Variants in SFMBT2 observed in about 807,000 individuals in gnomAD.
The protein encoded by SFMBT2 is Scm like with four mbt domains 2.
SFMBT2 carries 38 observed loss-of-function variants against 110.1 expected under a neutral mutation model. The observed-to-expected ratio is 0.35, with a 90% CI of 0.27 to 0.45. The LOEUF (loss-of-function observed/expected upper bound fraction) is 0.45. SFMBT2 is among the 20% of genes least tolerant of loss of function. The pLI is 1.00. For synonymous variants in SFMBT2, 425 were observed against 425.4 expected, an observed-to-expected ratio of 1.00 and a Z score of 0.01; for missense variants, 1,011 against 1,094.9, an observed-to-expected ratio of 0.92 and a Z score of 1.08.
At chr10:7,402,092 G>A (rs1424920524) in intron 1 of SFMBT2, among the ~76,000 whole-genome samples, 3 of 149,236 alleles carry the variant, frequency 2.0e-5, no homozygotes, top group African/African-American at 5.0e-5. Context: ...GCAAGATGGT[G>A]ACTACTGAGT....
chr10:7,363,435 G>A (rs1045132976), intron 4 of SFMBT2, among the ~76,000 whole-genome samples: 3 of 151,682 alleles, frequency 2.0e-5, no homozygotes, highest in African/African-American at 7.3e-5. Context: ...GGCAACCTTT[G>A]CCTCCTGGGT....
chr10:7,245,800 C>T (rs908437910), intron 8 of SFMBT2, among the ~76,000 whole-genome samples: 8 of 152,228 alleles, frequency 5.3e-5, no homozygotes, highest in African/African-American at 1.7e-4. Flanking sequence ...ATCCACTACA[C>T]GTCTGTCTGC....
At chr10:7,243,474 C>T (rs1840502490) in intron 9 of SFMBT2, 84 bp downstream of exon 9, 17 of 815,050 alleles carry the variant, frequency 2.1e-5, no homozygotes, top group Non-Finnish European at 3.2e-5. Context: ...ACCAGCCTCC[C>T]CAGATTAATG....
At chr10:7,403,580 C>T (rs1310796805) in intron 1 of SFMBT2, among the ~76,000 whole-genome samples, 2 of 151,970 alleles carry the variant, frequency 1.3e-5, no homozygotes, top group African/African-American at 4.8e-5. Context: ...AGCCAGAGGT[C>T]GCAATGAGCC....
chr10:7,215,709 T>C (rs1839514189), intron 11 of SFMBT2: 2 of 985,450 alleles, frequency 2.0e-6, no homozygotes, highest in Non-Finnish European at 1.2e-6. Context: ...GGCTGGCCGA[T>C]GAATTTAAGC....
At chr10:7,186,706 G>C (rs901199550) in intron 16 of SFMBT2, among the ~76,000 whole-genome samples, 1 of 152,116 alleles carries the variant, frequency 6.6e-6, no homozygotes, top group Non-Finnish European at 1.5e-5. Context: ...GAAGATGCCA[G>C]CTCTCTCTCC....
Position 7,188,635 on chromosome 10 carries a change from C to T in SFMBT2, c.1797G>A (p.Thr599=), listed in dbSNP as rs367855039. The change falls in exon 16 of 21, where the codon ACG becomes ACA. Residue 599 remains threonine (T), a synonymous_variant. Transcript: ENST00000397167. ...EDPHWNFQEE[T]LKAKYRGKTY... is the part of the protein sequence containing the mutation. ...TTGAAAACACTTACTTGGCCTTCAG[C>T]GTCTCTTCCTGGAAATTCCAGTGGG... is the stretch of plus-strand genomic sequence containing the variant. 6.2e-6 allele frequency: 10 copies of T among 1,613,094 alleles called. No individual in the cohort carries two copies. Among genetic ancestry groups the T allele is most frequent in the Middle Eastern group, 1.6e-4 (1 of 6,084 alleles).
intron 2 of SFMBT2, among the ~76,000 whole-genome samples, chr10:7,377,469 C>A (rs1490443085): frequency 6.6e-6 from 1 of 152,098 alleles, no homozygotes; most frequent in Non-Finnish European, 1.5e-5. Flanking sequence ...ATTATTATTA[C>A]ATTGTACTAT....
chr10:7,163,706 C>A lies in SFMBT2; in HGVS notation c.*64G>T. The A allele has an allele frequency of 6.9e-7, 1 of 1,444,782 alleles. No individual in the cohort carries two copies. The highest frequency in any genetic ancestry group is 1.2e-5 in the South Asian group (1 of 82,168). 89.5% of individuals were successfully genotyped at this position (1,444,782 alleles called of 1,614,324 possible). On this transcript the variant is annotated 3_prime_UTR_variant, in exon 21 of 21. Coordinates refer to ENST00000397167, the MANE Select transcript of SFMBT2 (RefSeq NM_001387889.1). This position sits in a 1 kb window ranked among gnomAD's most constrained non-coding sequence, Gnocchi z 4.8. Reference sequence around the variant, plus strand: ...AACATATCCCGGAAAATCAAAGTTTCAGTCCTGGAAACCTTTACCAACACC... The same window carrying A: ...AACATATCCCGGAAAATCAAAGTTTAAGTCCTGGAAACCTTTACCAACACC...
intron 4 of SFMBT2, among the ~76,000 whole-genome samples, chr10:7,320,922 G>A (rs991927273): frequency 5.3e-5 from 8 of 152,094 alleles, no homozygotes; most frequent in African/African-American, 1.4e-4. Context: ...TCCACTGCTC[G>A]GAATAGTAAA....
In SFMBT2 at chr10:7,253,794, A is replaced by G. The variant is rs962484075; in HGVS notation, c.871-5145T>C. Among the ~76,000 whole-genome samples, 3 of 141,964 alleles carry G rather than the reference A, an allele frequency of 2.1e-5. No individual in the cohort carries two copies. In the East Asian group the frequency reaches 6.4e-4, roughly 30 times the overall value. The allele number at this position is 141,964 out of a possible 152,430, so 93.1% of individuals were successfully genotyped here. On this transcript the variant is annotated intron_variant, in intron 7 of 20. Coordinates refer to ENST00000397167, the MANE Select transcript of SFMBT2 (RefSeq NM_001387889.1). ...GCTGTATCTTCCAGCCCTAACTTTC[A>G]CTTTCTGAAAATCACTTTCTAATCA...
intron 14 of SFMBT2, among the ~76,000 whole-genome samples, chr10:7,199,523 A>G (rs1343379178): frequency 1.3e-5 from 2 of 152,336 alleles, no homozygotes; most frequent in Non-Finnish European, 1.5e-5. Context: ...GATATAAAAG[A>G]AAAGGAGTAA....
At chr10:7,317,641 C>CAAAAAAAAAAAAAAA in intron 4 of SFMBT2, among the ~76,000 whole-genome samples, 1 of 92,848 alleles carries the variant, frequency 1.1e-5, no homozygotes. Flanking sequence ...AACTCCGTCT[C>CAAAAAAAAAAAAAAA]AAAAAAAAAA....
intron 10 of SFMBT2, among the ~76,000 whole-genome samples, chr10:7,220,830 T>TTTC (rs1564390921): frequency 9.5e-5 from 3 of 31,528 alleles, no homozygotes; most frequent in African/African-American, 3.4e-4. Flanking sequence ...TTCCTTCTTT[T>TTTC]TTTTTTTTGT....
chr10:7,322,249 C>A (rs1031832473), intron 4 of SFMBT2, among the ~76,000 whole-genome samples: 5 of 152,202 alleles, frequency 3.3e-5, no homozygotes, highest in Non-Finnish European at 7.3e-5. Context: ...TTGCCTGCCA[C>A]CATGTAAGAT....
At chr10:7,284,297 C>T in intron 5 of SFMBT2, 147 bp from the exon 6 acceptor site, 1 of 1,445,692 alleles carries the variant, frequency 6.9e-7, no homozygotes, top group Non-Finnish European at 9.1e-7. Flanking sequence ...CATCCTTGCC[C>T]AGCCCATGCC....
chr10:7,379,656 A>G (rs566226096), intron 2 of SFMBT2, among the ~76,000 whole-genome samples: 1 of 147,080 alleles, frequency 6.8e-6, no homozygotes, highest in South Asian at 2.3e-4. Flanking sequence ...GAAAAATCTG[A>G]GCCAATATCT....
intron 9 of SFMBT2, among the ~76,000 whole-genome samples, chr10:7,242,547 G>A (rs1840466576): frequency 6.6e-6 from 1 of 152,158 alleles, no homozygotes; most frequent in South Asian, 2.1e-4. Context: ...ATACCATTAG[G>A]CGGAACTCCA....
At chr10:7,395,724 G>A (rs1048162898) in intron 1 of SFMBT2, among the ~76,000 whole-genome samples, 2 of 121,382 alleles carry the variant, frequency 1.6e-5, no homozygotes, top group Non-Finnish European at 3.4e-5. Context: ...TTTAATGCTT[G>A]TAACAGTCTC....
Sources: allele counts gnomAD v4.1 joint callset (sites outside exome capture counted in the v4.1 genomes callset), GRCh38; gene constraint gnomAD v4.1.1; non-coding constraint Gnocchi (gnomAD v3.1); transcripts MANE v1.5; gene names NCBI Gene and HGNC (gene_info 2026-07-23, HGNC 2026-07-21).